MACROD2: variants seen among roughly 807,000 people sequenced by gnomAD.
MACROD2 encodes the protein mono-ADP ribosylhydrolase 2.
A neutral mutation model predicts 70.4 loss-of-function variants in MACROD2; 36 were observed. The ratio of observed to expected loss-of-function variants is 0.51; its 90% confidence interval spans 0.39 to 0.68. The LOEUF (loss-of-function observed/expected upper bound fraction) is 0.68. Ranked by LOEUF, MACROD2 falls within the 30% of genes least tolerant of loss-of-function variation. The pLI is 0.00. For synonymous variants in MACROD2, 172 were observed against 178.8 expected, an observed-to-expected ratio of 0.96 and a Z score of 0.30; for missense variants, 496 against 538.4, an observed-to-expected ratio of 0.92 and a Z score of 0.78.
chr20:15,862,882 G>A (rs1270287232), intron 9 of MACROD2, 56 bp downstream of exon 9: 27 of 1,290,418 alleles, frequency 2.1e-5, no homozygotes, highest in South Asian at 6.2e-5. Context: ...AAGTGGAGCC[G>A]TCACTTCTAT....
intron 2 of MACROD2, among the ~76,000 whole-genome samples, chr20:14,057,169 C>A (rs2053640270): frequency 6.6e-6 from 1 of 152,106 alleles, no homozygotes; most frequent in Non-Finnish European, 1.5e-5. Flanking sequence ...GAATATCTTA[C>A]ATCTTTCTAT....
chr20:14,515,473 A>ACGCGCGTGCGCG (rs1406815284), intron 4 of MACROD2, among the ~76,000 whole-genome samples: 1 of 67,548 alleles, frequency 1.5e-5, no homozygotes, highest in African/African-American at 7.0e-5. Flanking sequence ...ACGCACACAC[A>ACGCGCGTGCGCG]CACACACACA....
At chr20:14,445,922 A>G (rs1332902681) in intron 3 of MACROD2, among the ~76,000 whole-genome samples, 3 of 152,144 alleles carry the variant, frequency 2.0e-5, no homozygotes, top group Non-Finnish European at 4.4e-5. Flanking sequence ...CAAACCTGCC[A>G]TCATGCAAGT....
intron 5 of MACROD2, among the ~76,000 whole-genome samples, chr20:15,155,867 A>G (rs748778728): frequency 4.5e-4 from 69 of 151,992 alleles, no homozygotes; most frequent in South Asian, 1.0e-3. Flanking sequence ...AAAAAAAAAC[A>G]TAAAATGACC....
At chr20:14,808,750 A>G (rs1208995618) in intron 5 of MACROD2, among the ~76,000 whole-genome samples, 1 of 150,568 alleles carries the variant, frequency 6.6e-6, no homozygotes, top group Non-Finnish European at 1.5e-5. Context: ...ATTTACCAAG[A>G]AAATGGAAAG....
At chr20:14,111,250 A>G (rs112707351) in intron 3 of MACROD2, among the ~76,000 whole-genome samples, 4,033 of 151,918 alleles carry the variant, frequency 0.027, 52 homozygotes, top group Non-Finnish European at 0.032. Flanking sequence ...AAATCTGACT[A>G]TGAAACTACT....
At chr20:14,058,929 A>T (rs1325812850) in intron 2 of MACROD2, among the ~76,000 whole-genome samples, 2 of 152,140 alleles carry the variant, frequency 1.3e-5, no homozygotes, top group East Asian at 3.9e-4. Flanking sequence ...GGCTTGAGCC[A>T]CTGCGTCTGG....
In MACROD2 at chr20:14,977,108, A is replaced by G. The variant is rs534090911; in HGVS notation, c.419-252832A>G. Among the ~76,000 whole-genome samples the G allele has an allele frequency of 2.0e-5, 3 of 152,214 alleles. No homozygotes were observed. In the South Asian group the frequency reaches 6.2e-4, roughly 32 times the overall value. On this transcript the variant is annotated intron_variant, in intron 5 of 17. Transcript: ENST00000684519. ...GTCACTATGGTTCCCCAAATCATAG[A>G]TGATTACCTTCAAGTTAGCATGAAG...
intron 5 of MACROD2, among the ~76,000 whole-genome samples, chr20:14,711,416 G>A (rs928423877): frequency 3.3e-5 from 5 of 152,156 alleles, no homozygotes; most frequent in South Asian, 2.1e-4. Flanking sequence ...TAGGTTTTCC[G>A]AAGGCAAGGT....
intron 5 of MACROD2, among the ~76,000 whole-genome samples, chr20:14,947,823 A>G (rs957058964): frequency 6.6e-6 from 1 of 152,158 alleles, no homozygotes; most frequent in Non-Finnish European, 1.5e-5. Flanking sequence ...GTGAAGGATC[A>G]GATGTGGGAT....
intron 8 of MACROD2, among the ~76,000 whole-genome samples, chr20:15,857,177 T>C (rs2064366184): frequency 6.6e-6 from 1 of 152,202 alleles, no homozygotes; most frequent in African/African-American, 2.4e-5. Flanking sequence ...GATGATTGAC[T>C]GAATAGAAAA....
At chr20:15,334,207 A>T (rs2078023704) in intron 6 of MACROD2, among the ~76,000 whole-genome samples, 1 of 151,722 alleles carries the variant, frequency 6.6e-6, no homozygotes, top group Non-Finnish European at 1.5e-5. Flanking sequence ...TCTTGTGTGC[A>T]GGTCTTAAAA....
At chr20:15,546,402 G>GA (rs2048026960) in intron 8 of MACROD2, among the ~76,000 whole-genome samples, 1 of 152,146 alleles carries the variant, frequency 6.6e-6, no homozygotes, top group South Asian at 2.1e-4. Flanking sequence ...GTAAGGATGA[G>GA]AAAACAGTCT....
intron 3 of MACROD2, among the ~76,000 whole-genome samples, chr20:14,394,274 T>C (rs2083558730): frequency 6.6e-6 from 1 of 152,212 alleles, no homozygotes; most frequent in Admixed American, 6.5e-5. Flanking sequence ...TATTTAGATC[T>C]TCTTTAATTT....
chr20:15,373,455 A>G (rs1035880620), intron 6 of MACROD2, among the ~76,000 whole-genome samples: 2 of 152,064 alleles, frequency 1.3e-5, no homozygotes, highest in African/African-American at 4.8e-5. Context: ...CCCAGGCTGA[A>G]AGGCAGTGGC....
At chr20:15,314,278 AG>A (rs1347646032) in intron 6 of MACROD2, among the ~76,000 whole-genome samples, 2 of 152,130 alleles carry the variant, frequency 1.3e-5, no homozygotes, top group African/African-American at 4.8e-5. Context: ...TAATCGAAAA[AG>A]AAAAAAAAAA....
At chr20:14,116,510 G>T (rs1189452380) in intron 3 of MACROD2, among the ~76,000 whole-genome samples, 1 of 152,008 alleles carries the variant, frequency 6.6e-6, no homozygotes, top group Non-Finnish European at 1.5e-5. Context: ...CAGTGGGGCT[G>T]CCCTAACTGG....
chr20:15,685,616 T>C (rs138913963), intron 8 of MACROD2, among the ~76,000 whole-genome samples: 2 of 152,324 alleles, frequency 1.3e-5, no homozygotes, highest in African/African-American at 4.8e-5. Flanking sequence ...GACCCACTCC[T>C]GCAGCTGTAC....
At chr20:14,684,648 A>ACCACCCCCCCCCCCC (rs2070977501) in intron 4 of MACROD2, among the ~76,000 whole-genome samples, 195 bp from the exon 5 acceptor site, 8 of 134,956 alleles carry the variant, frequency 5.9e-5, no homozygotes, top group Admixed American at 3.0e-4. Flanking sequence ...ACATAACCTC[A>ACCACCCCCCCCCCCC]CCCCCCCCCC....
Sources: allele counts gnomAD v4.1 joint callset (sites outside exome capture counted in the v4.1 genomes callset), GRCh38; gene constraint gnomAD v4.1.1; transcripts MANE v1.5; gene names NCBI Gene and HGNC (gene_info 2026-07-23, HGNC 2026-07-21).